RHNO1: variants seen among roughly 807,000 people sequenced by gnomAD.
RHNO1 encodes the protein RAD9-HUS1-RAD1 interacting nuclear orphan 1.
In RHNO1, 9 loss-of-function variants were observed where a neutral mutation model predicts 7.2. The ratio of observed to expected loss-of-function variants is 1.25; its 90% CI spans 0.75 to 2.18. The LOEUF is 2.18. Among genes scored for constraint, RHNO1 ranks in the 30% most tolerant of loss-of-function variants. The pLI is 0.00. For missense variants in RHNO1, 292 were observed against 284.5 expected (o/e 1.03, Z -0.19); for synonymous variants, 95 against 107.5 (o/e 0.88, Z 0.72).
Position 2,885,527 on chromosome 12 carries a change from C to G in RHNO1, c.161C>G (p.Thr54Ser), listed in dbSNP as rs768127923. Reference protein sequence around the residue: ...PSKPIDHSTITSWVSPDFDTA... With the variant: ...PSKPIDHSTISSWVSPDFDTA... ...AAGCCCATTGACCACAGCACCATCA[C>G]TTCCTGGGTAGGCCCATGGGATTAC... The change falls in exon 2 of 3, where the codon ACT becomes AGT. Residue 54 changes from threonine (T) to serine (S), a missense_variant. Thr to Ser is a moderately conservative substitution (Grantham distance 58). Transcript: ENST00000489288. 20 of 1,571,402 alleles carry G rather than the reference C, an allele frequency of 1.3e-5. No individual in the cohort carries two copies. Among genetic ancestry groups the G allele is most frequent in the Non-Finnish European group, 1.7e-5 (19 of 1,145,824 alleles).
At chr12:2,883,511 A>ATATATATATATATATT (rs2098161542) in intron 1 of RHNO1, among the ~76,000 whole-genome samples, 10 of 26,842 alleles carry the variant, frequency 3.7e-4, no homozygotes, top group Non-Finnish European at 5.7e-4. Flanking sequence ...ATATATATAT[A>ATATATATATATATATT]TTTTTTTTTT....
chr12:2,878,904 G>A (rs1053620626), intron 1 of RHNO1, among the ~76,000 whole-genome samples: 2 of 151,832 alleles, frequency 1.3e-5, no homozygotes, highest in Non-Finnish European at 2.9e-5. Context: ...CGGGCGGGGG[G>A]TTGTCAGGGG....
chr12:2,885,244 C>A (rs2098163833), intron 1 of RHNO1, 39 bp from the exon 2 acceptor site: 3 of 862,862 alleles, frequency 3.5e-6, no homozygotes, highest in Admixed American at 2.5e-5. Context: ...GGGGAATCAT[C>A]TGAATTATTT....
chr12:2,883,353 G>T (rs900742252), intron 1 of RHNO1, among the ~76,000 whole-genome samples: 1 of 150,130 alleles, frequency 6.7e-6, no homozygotes, highest in East Asian at 1.9e-4. Context: ...TCTAGCCTAG[G>T]CAACAGATGA....
chr12:2,886,157 T>G (rs2968906), intron 2 of RHNO1: 66,305 of 151,948 alleles, frequency 0.44, 15,286 homozygotes, highest in East Asian at 0.64. Flanking sequence ...AAAGAGTTCA[T>G]TGTAAAAGTT....
At chr12:2,883,503 ATATATATATTTTTTTTTT>A (rs1184409152) in intron 1 of RHNO1, among the ~76,000 whole-genome samples, 11 of 34,814 alleles carry the variant, frequency 3.2e-4, no homozygotes, top group Admixed American at 2.7e-3. Context: ...ATATATATAT[ATATATATATTTTTTTTTT>A]TTTTTTTTTT....
Position 2,885,456 on chromosome 12 carries a change from T to C in RHNO1, c.90T>C (p.Cys30=). 1 of 1,612,578 alleles carries C rather than the reference T, an allele frequency of 6.2e-7. No individual in the cohort carries two copies. Among genetic ancestry groups the C allele is most frequent in the Non-Finnish European group, 8.5e-7 (1 of 1,179,640 alleles). Residue 30 remains cysteine (C), a synonymous_variant, in exon 2 of 3, where the codon TGT becomes TGC. Coordinates refer to ENST00000489288, the MANE Select transcript of RHNO1 (RefSeq NM_001252499.3). The part of the protein sequence containing the change: ...QQPLEGPKHS[C]ASTQLPITHT... Reference sequence around the variant, plus strand: ...CACTGGAGGGCCCCAAACACAGCTGTGCATCTACACAGCTTCCCATCACTC... The same window carrying C: ...CACTGGAGGGCCCCAAACACAGCTGCGCATCTACACAGCTTCCCATCACTC...
chr12:2,883,603 C>T (rs1224246230), intron 1 of RHNO1, among the ~76,000 whole-genome samples: 1 of 147,614 alleles, frequency 6.8e-6, no homozygotes, highest in Admixed American at 6.8e-5. Context: ...CCGCAACCTC[C>T]GCCTCCCGGG....
chr12:2,883,497 ATATATATATATATATTTTTTTTT>A (rs1198200483), intron 1 of RHNO1, among the ~76,000 whole-genome samples: 7 of 23,900 alleles, frequency 2.9e-4, no homozygotes, highest in African/African-American at 1.2e-3. Flanking sequence ...ATATATATAT[ATATATATATATATATTTTTTTTT>A]TTTTTTTTTT....
In RHNO1 at chr12:2,885,379, A is replaced by G; in HGVS notation, c.13A>G (p.Lys5Glu). 2 of 1,612,870 alleles carry G rather than the reference A, an allele frequency of 1.2e-6. No homozygotes were observed. Among genetic ancestry groups the G allele is most frequent in the East Asian group, 2.2e-5 (1 of 44,854 alleles). ...CATTCACCGGTTGATGCCTCCCAGA[A>G]AAAAACGCCGCCAGCCTTCCCAGAA... MPPR[K>E]KRRQPSQKAP... Residue 5 changes from lysine (K) to glutamate (E), a missense_variant, in exon 2 of 3, where the codon AAA (lysine) becomes GAA (glutamate). Physicochemically the swap from Lys to Glu is moderately conservative, Grantham distance 56. Coordinates refer to ENST00000489288, the MANE Select transcript of RHNO1 (RefSeq NM_001252499.3).
upstream of RHNO1, among the ~76,000 whole-genome samples, chr12:2,876,724 A>C (rs933736150): frequency 6.6e-6 from 1 of 152,124 alleles, no homozygotes; most frequent in East Asian, 1.9e-4. Flanking sequence ...GGGGCGCTTT[A>C]AGCAGTGAGA....
chr12:2,883,722 G>C (rs1388497230), intron 1 of RHNO1, among the ~76,000 whole-genome samples: 1 of 151,200 alleles, frequency 6.6e-6, no homozygotes, highest in Non-Finnish European at 1.5e-5. Flanking sequence ...CTCCACGTTG[G>C]TCAGGCTGGT....
chr12:2,879,939 G>C (rs1051621483), intron 1 of RHNO1, among the ~76,000 whole-genome samples: 4 of 152,076 alleles, frequency 2.6e-5, no homozygotes, highest in African/African-American at 9.7e-5. Context: ...TGGAAAATGA[G>C]AGTATTTCCT....
intron 2 of RHNO1, 36 bp downstream of exon 2, chr12:2,885,570 T>C (rs778719921): frequency 1.0e-6 from 1 of 1,003,348 alleles, no homozygotes; most frequent in Non-Finnish European, 1.3e-6. Flanking sequence ...CATTTTTTTT[T>C]TTTTTTTTTT....
chr12:2,882,019 G>A (rs1192559103), intron 1 of RHNO1, among the ~76,000 whole-genome samples: 1 of 151,638 alleles, frequency 6.6e-6, no homozygotes, highest in East Asian at 1.9e-4. Flanking sequence ...TGATTGAATG[G>A]ATCACAAATG....
Position 2,883,512 on chromosome 12 carries a change from T to TATATATATATATATA in RHNO1, c.-84-1771_-84-1770insATATATATATATATA, listed in dbSNP as rs1491305927. Among the ~76,000 whole-genome samples, 96 of 22,030 alleles carry TATATATATATATATA rather than the reference T, an allele frequency of 4.4e-3. 3 individuals are homozygous for TATATATATATATATA. Among genetic ancestry groups the TATATATATATATATA allele is most frequent in the South Asian group, 8.1e-3 (4 of 492 alleles). The allele number at this position is 22,030 out of a possible 152,430, so 14.5% of individuals were successfully genotyped here. On this transcript the variant is annotated intron_variant, in intron 1 of 2. Transcript: ENST00000489288. ...ATATATATATATATATATATATATA[T>TATATATATATATATA]TTTTTTTTTTTTTTTTTTTTTTGAG...
chr12:2,879,026 G>T (rs976969585), intron 1 of RHNO1, among the ~76,000 whole-genome samples: 1 of 151,616 alleles, frequency 6.6e-6, no homozygotes, highest in Non-Finnish European at 1.5e-5. Context: ...TAGAGACAGG[G>T]TCTTGCTCTG....
intron 2 of RHNO1, 108 bp from the exon 3 acceptor site, chr12:2,887,803 G>T: frequency 1.1e-6 from 1 of 870,234 alleles, no homozygotes; most frequent in Non-Finnish European, 1.7e-6. Context: ...TTAGTTTTGT[G>T]TTCATTACTA....
chr12:2,885,355 A>T lies in RHNO1; in HGVS notation c.-12A>T. The T allele has an allele frequency of 6.2e-7, 1 of 1,609,276 alleles. No homozygotes were observed. Among genetic ancestry groups the T allele is most frequent in the Non-Finnish European group, 8.5e-7 (1 of 1,177,518 alleles). ...ATCATGTGGTTACTAACTGTTCCTC[A>T]TTCACCGGTTGATGCCTCCCAGAAA... On this transcript the variant is annotated 5_prime_UTR_variant, in exon 2 of 3. Transcript: ENST00000489288.
Sources: allele counts gnomAD v4.1 joint callset (sites outside exome capture counted in the v4.1 genomes callset), GRCh38; gene constraint gnomAD v4.1.1; transcripts MANE v1.5; gene names NCBI Gene and HGNC (gene_info 2026-07-23, HGNC 2026-07-21).